The following EXT1 variants were observed in gnomAD, a reference collection of about 807,000 sequenced individuals.
EXT1 encodes exostosin glycosyltransferase 1.
A neutral mutation model predicts 82.5 loss-of-function variants in EXT1; 20 were observed. The observed-to-expected ratio is 0.24, with a 90% CI of 0.17 to 0.35. The LOEUF (loss-of-function observed/expected upper bound fraction) is 0.35, where lower values mean the gene tolerates loss of function less well. Ranked by LOEUF, EXT1 falls within the 10% of genes least tolerant of loss-of-function variation. The pLI, the probability that EXT1 is intolerant of heterozygous loss-of-function variation, is 1.00. For missense variants in EXT1, 757 were observed against 936.5 expected (o/e 0.81, Z 2.50); for synonymous variants, 348 against 350.8 (o/e 0.99, Z 0.09).
chr8:117,818,330 A>C, intron 7 of EXT1, 105 bp downstream of exon 7: 1 of 893,574 alleles, frequency 1.1e-6, no homozygotes, highest in South Asian at 1.3e-5. Context: ...TAGAAAAAAT[A>C]ATCCAGGAAC....
chr8:117,908,384 C>T (rs763944120), intron 1 of EXT1, among the ~76,000 whole-genome samples: 5 of 152,144 alleles, frequency 3.3e-5, no homozygotes, highest in Non-Finnish European at 7.3e-5. Flanking sequence ...AATCACAGCA[C>T]TTTGGGAGGC....
chr8:118,045,060 G>A (rs1444003314), intron 1 of EXT1, among the ~76,000 whole-genome samples: 2 of 152,144 alleles, frequency 1.3e-5, no homozygotes, highest in Non-Finnish European at 1.5e-5. Flanking sequence ...CAACCATATC[G>A]TACACAAAGT....
intron 1 of EXT1, among the ~76,000 whole-genome samples, chr8:118,004,555 G>A (rs1165030638): frequency 6.6e-6 from 1 of 152,172 alleles, no homozygotes; most frequent in African/African-American, 2.4e-5. Flanking sequence ...AGGGAGCACA[G>A]CGCAGATGTC....
rs1309543962 is a variant in EXT1 at position 117,797,442 on chromosome 8, G to C, written c.*2270C>G. ...GGTGACAGGTCAATCTGGCAAAGCA[G>C]GTCCTTGAATCCACTTGTGTGACTG... On this transcript the variant is annotated 3_prime_UTR_variant, in exon 11 of 11. Transcript: ENST00000378204. The C allele has an allele frequency of 2.0e-5, 3 of 152,188 alleles. No homozygotes were observed. The highest frequency in any genetic ancestry group is 2.9e-5 in the Non-Finnish European group (2 of 68,030). 9.4% of individuals were successfully genotyped at this position (152,188 alleles called of 1,614,324 possible). A position where few individuals can be genotyped will look rare whatever the true frequency, so the allele number is the denominator to read the frequency against.
At chr8:118,072,962 G>A (rs889574613) in intron 1 of EXT1, among the ~76,000 whole-genome samples, 4 of 152,190 alleles carry the variant, frequency 2.6e-5, no homozygotes, top group South Asian at 2.1e-4. Flanking sequence ...TCCAAGACAC[G>A]AGGAGCACGA....
At chr8:117,901,220 G>A (rs1423414498) in intron 1 of EXT1, among the ~76,000 whole-genome samples, 1 of 152,164 alleles carries the variant, frequency 6.6e-6, no homozygotes, top group Non-Finnish European at 1.5e-5. Flanking sequence ...GACCTGGATG[G>A]TATAACCTTC....
chr8:117,808,113 A>T (rs1313958164), intron 8 of EXT1, among the ~76,000 whole-genome samples: 2 of 152,244 alleles, frequency 1.3e-5, no homozygotes, highest in African/African-American at 4.8e-5. Context: ...TGAACCTGCT[A>T]TAAACCAGCA....
intron 10 of EXT1, among the ~76,000 whole-genome samples, chr8:117,800,869 T>G (rs1353528701): frequency 6.6e-6 from 1 of 152,060 alleles, no homozygotes; most frequent in Non-Finnish European, 1.5e-5. Context: ...ATGACTGGAG[T>G]GCTGAAATTT....
intron 1 of EXT1, among the ~76,000 whole-genome samples, chr8:117,878,401 T>C (rs979521875): frequency 3.3e-5 from 5 of 152,196 alleles, no homozygotes; most frequent in African/African-American, 4.8e-5. Flanking sequence ...GAAAAACTCA[T>C]TGAAAATAAA....
At chr8:117,960,515 G>C (rs1335843187) in intron 1 of EXT1, among the ~76,000 whole-genome samples, 1 of 152,116 alleles carries the variant, frequency 6.6e-6, no homozygotes, top group African/African-American at 2.4e-5. Flanking sequence ...ACTGAGATTG[G>C]ATAGAGAAAC....
In EXT1 at chr8:117,935,141, T is replaced by C. The variant is rs17451037; in HGVS notation, c.963-97940A>G. Reference sequence around the variant, plus strand: ...TAGGATTATGGTGAGAATTAAGTGATAACGGAGGTTAAAGAGGCCTACTAC... The same window carrying C: ...TAGGATTATGGTGAGAATTAAGTGACAACGGAGGTTAAAGAGGCCTACTAC... On this transcript the variant is annotated intron_variant, in intron 1 of 10. Transcript: ENST00000378204. Among the ~76,000 whole-genome samples, 1,094 of 152,194 alleles carry C rather than the reference T, an allele frequency of 7.2e-3. 29 individuals are homozygous for C. In the East Asian group the frequency reaches 0.11, roughly 16 times the overall value.
chr8:118,058,708 ATAGAT>A (rs1182762913), intron 1 of EXT1, among the ~76,000 whole-genome samples: 4 of 152,206 alleles, frequency 2.6e-5, no homozygotes, highest in African/African-American at 9.6e-5. Context: ...ATAACATGAT[ATAGAT>A]TAAATAGATT....
At chr8:118,045,316 C>T (rs911619091) in intron 1 of EXT1, among the ~76,000 whole-genome samples, 4 of 152,164 alleles carry the variant, frequency 2.6e-5, no homozygotes, top group South Asian at 2.1e-4. Context: ...GAAGATTTAT[C>T]GATTTCCTAT....
At chr8:117,925,021 T>C (rs1056349453) in intron 1 of EXT1, among the ~76,000 whole-genome samples, 1 of 152,166 alleles carries the variant, frequency 6.6e-6, no homozygotes, top group Non-Finnish European at 1.5e-5. Context: ...TTTAGTGACA[T>C]GTTTCCATGG....
At chr8:117,915,725 G>T (rs375387620) in intron 1 of EXT1, among the ~76,000 whole-genome samples, 2 of 152,022 alleles carry the variant, frequency 1.3e-5, no homozygotes, top group Non-Finnish European at 1.5e-5. Flanking sequence ...GCATGGTGGC[G>T]CATGCCTGTG....
chr8:118,048,605 T>C lies in EXT1; in HGVS notation c.962+61480A>G, dbSNP rs111836179. On this transcript the variant is annotated intron_variant, in intron 1 of 10. Transcript: ENST00000378204. ...TTCCAGAAACCTATTTTAGAGGGTA[T>C]TTACTTTGCATTCCCAGAGCAAGAT... Among the ~76,000 whole-genome samples, 57 of 152,346 alleles carry C rather than the reference T, an allele frequency of 3.7e-4. 1 individual carries two copies. The highest frequency in any genetic ancestry group is 2.3e-3 in the South Asian group (11 of 4,822).
At chr8:117,928,531 A>G (rs1287169385) in intron 1 of EXT1, among the ~76,000 whole-genome samples, 1 of 152,228 alleles carries the variant, frequency 6.6e-6, no homozygotes, top group East Asian at 1.9e-4. Flanking sequence ...TCTTTCAAGG[A>G]AAGAATGCTG....
chr8:118,012,003 G>A (rs1171185139), intron 1 of EXT1, among the ~76,000 whole-genome samples: 1 of 152,216 alleles, frequency 6.6e-6, no homozygotes, highest in Non-Finnish European at 1.5e-5. Flanking sequence ...AGCAGCAGGA[G>A]GAGCCCCAGG....
At chr8:118,055,939 T>C (rs1005093935) in intron 1 of EXT1, among the ~76,000 whole-genome samples, 1 of 152,216 alleles carries the variant, frequency 6.6e-6, no homozygotes, top group East Asian at 1.9e-4. Flanking sequence ...TCTACCACTA[T>C]GACATCATAT....
Sources: allele counts gnomAD v4.1 joint callset (sites outside exome capture counted in the v4.1 genomes callset), GRCh38; gene constraint gnomAD v4.1.1; transcripts MANE v1.5; gene names NCBI Gene and HGNC (gene_info 2026-07-23, HGNC 2026-07-21).